Variants in PTBP2 observed in about 807,000 individuals in gnomAD.
PTBP2 encodes polypyrimidine tract-binding protein 2.
Under a neutral mutation model 61.4 loss-of-function variants are expected in PTBP2, and 13 were observed. The observed-to-expected ratio is 0.21, with a 90% CI of 0.14 to 0.34. PTBP2 has a LOEUF of 0.34. PTBP2 is among the 10% of genes least tolerant of loss of function. The probability of loss-of-function intolerance (pLI) is 1.00; values close to 1 mark genes in which losing one functional copy is unlikely to be tolerated. For missense variants in PTBP2, 405 were observed against 642.6 expected (o/e 0.63, Z 4.00); for synonymous variants, 215 against 218.5 (o/e 0.98, Z 0.14).
intron 11 of PTBP2, among the ~76,000 whole-genome samples, chr1:96,809,525 G>GT (rs1661834055): frequency 6.6e-6 from 1 of 151,628 alleles, no homozygotes; most frequent in African/African-American, 2.4e-5. Context: ...TTGTTTGTTT[G>GT]TTTTTGAGCC....
chr1:96,804,826 G>A lies in PTBP2; in HGVS notation c.931G>A (p.Ala311Thr). Residue 311 changes from alanine (A) to threonine (T), a missense_variant, in exon 9 of 14, where the codon GCC becomes ACC. Coordinates refer to ENST00000674951, the MANE Select transcript of PTBP2 (RefSeq NM_021190.4). ...TGTTCCAGGAGCTCTGAGTCCTTTG[G>A]CCATTCCAAATGCTGCTGCAGCAGC... ...LAVPGALSPL[A>T]IPNAAAAAAA... is the part of the protein sequence containing the mutation. 6.2e-7 allele frequency: 1 copy of A among 1,611,974 alleles called. No homozygotes were observed. Among genetic ancestry groups the A allele is most frequent in the East Asian group, 2.2e-5 (1 of 44,844 alleles).
At chr1:96,789,764 C>T (rs2101094055) in intron 8 of PTBP2, among the ~76,000 whole-genome samples, 1 of 152,148 alleles carries the variant, frequency 6.6e-6, no homozygotes, top group South Asian at 2.1e-4. Flanking sequence ...TTCAATAGCG[C>T]TGACACTTAG....
At chr1:96,818,538 A>G (rs1662565242), downstream of PTBP2, 1 of 152,116 alleles carries the variant, frequency 6.6e-6, no homozygotes, top group Non-Finnish European at 1.5e-5. Context: ...TATTAAAAAT[A>G]TAGTCACCAG....
chr1:96,777,595 C>T lies in PTBP2; in HGVS notation c.443C>T (p.Ala148Val), dbSNP rs1455946540. The T allele has an allele frequency of 6.2e-7, 1 of 1,606,456 alleles. No homozygotes were observed. Among genetic ancestry groups the T allele is most frequent in the South Asian group, 1.1e-5 (1 of 89,600 alleles). The change falls in exon 6 of 14, where the codon GCA becomes GTA. Residue 148 changes from alanine to valine, a missense_variant. Ala to Val is a moderately conservative substitution (Grantham distance 64). Transcript: ENST00000674951. The stretch of plus-strand genomic sequence containing the variant: ...AATCTTAATTTCCAGCGTGCTCAGG[C>T]AGTTCTTCAAGCTGTGACAGCTGTC... ...TDNTLNQRAQ[A>V]VLQAVTAVQT...
At chr1:96,797,094 ATG>A (rs960775094) in intron 8 of PTBP2, among the ~76,000 whole-genome samples, 11 of 152,144 alleles carry the variant, frequency 7.2e-5, no homozygotes, top group African/African-American at 2.7e-4. Context: ...ATGGGAGGAG[ATG>A]TTCCAGTAAT....
At chr1:96,790,572 C>G (rs1391625155) in intron 8 of PTBP2, among the ~76,000 whole-genome samples, 3 of 152,152 alleles carry the variant, frequency 2.0e-5, no homozygotes, top group Non-Finnish European at 4.4e-5. Flanking sequence ...TTTCCTTCAT[C>G]AACTAGAATT....
intron 3 of PTBP2, among the ~76,000 whole-genome samples, chr1:96,762,692 T>C (rs1444970307): frequency 7.3e-5 from 10 of 137,410 alleles, no homozygotes; most frequent in East Asian, 2.4e-4. Flanking sequence ...ACCTCCCTCC[T>C]GGATGGGGCG....
At chr1:96,734,087 GAA>G (rs888705791) in intron 2 of PTBP2, among the ~76,000 whole-genome samples, 16 of 152,264 alleles carry the variant, frequency 1.1e-4, no homozygotes, top group Non-Finnish European at 2.1e-4. Flanking sequence ...AGGTGTCACA[GAA>G]AGTTATCACG....
chr1:96,724,190 T>A (rs150525086), intron 2 of PTBP2, among the ~76,000 whole-genome samples: 3 of 152,322 alleles, frequency 2.0e-5, no homozygotes, highest in Non-Finnish European at 4.4e-5. Context: ...ACTTTAGTTC[T>A]AATGCTTAAC....
intron 2 of PTBP2, among the ~76,000 whole-genome samples, chr1:96,725,948 G>T (rs1650397274): frequency 6.6e-6 from 1 of 151,202 alleles, no homozygotes; most frequent in Admixed American, 6.6e-5. Flanking sequence ...GGTGACGGGT[G>T]CCTGTAGTCC....
chr1:96,725,685 T>A (rs1391407952), intron 2 of PTBP2, among the ~76,000 whole-genome samples: 1 of 152,162 alleles, frequency 6.6e-6, no homozygotes. Context: ...TGGTTAAGAA[T>A]TTTTGCTTTG....
intron 2 of PTBP2, among the ~76,000 whole-genome samples, chr1:96,737,018 T>C (rs779073496): frequency 4.6e-5 from 7 of 150,990 alleles, no homozygotes; most frequent in Non-Finnish European, 1.0e-4. Context: ...CTCCCTTTGT[T>C]GCCCAGGCTG....
chr1:96,791,724 T>A (rs1659818804), intron 8 of PTBP2, among the ~76,000 whole-genome samples: 1 of 152,102 alleles, frequency 6.6e-6, no homozygotes, highest in Non-Finnish European at 1.5e-5. Context: ...ATCAAAATGC[T>A]TAGATAGATG....
chr1:96,723,717 C>T, intron 2 of PTBP2, 123 bp downstream of exon 2: 1 of 822,276 alleles, frequency 1.2e-6, no homozygotes, highest in Non-Finnish European at 1.9e-6. Context: ...AAAATGTTTC[C>T]TTTCATTTGT....
At chr1:96,759,339 A>G (rs1239625457) in intron 3 of PTBP2, among the ~76,000 whole-genome samples, 1 of 152,224 alleles carries the variant, frequency 6.6e-6, no homozygotes, top group Non-Finnish European at 1.5e-5. Flanking sequence ...AGTTCTCAAG[A>G]CTCACTACAA....
intron 2 of PTBP2, among the ~76,000 whole-genome samples, chr1:96,739,992 G>A (rs1002817966): frequency 4.6e-5 from 7 of 152,072 alleles, no homozygotes; most frequent in Non-Finnish European, 8.8e-5. Context: ...TTGGATTTTA[G>A]ATTTTCAGAT....
At chr1:96,795,898 TAATC>T (rs1042572515) in intron 8 of PTBP2, among the ~76,000 whole-genome samples, 3 of 152,164 alleles carry the variant, frequency 2.0e-5, no homozygotes, top group African/African-American at 7.2e-5. Context: ...ATAATGATAA[TAATC>T]CCTTTCATTT....
At chr1:96,727,840 A>G (rs996095032) in intron 2 of PTBP2, among the ~76,000 whole-genome samples, 4 of 151,986 alleles carry the variant, frequency 2.6e-5, no homozygotes, top group African/African-American at 4.8e-5. Flanking sequence ...TTATTCTCGC[A>G]TTGTCTTTTG....
chr1:96,760,844 A>C (rs1438971190), intron 3 of PTBP2, among the ~76,000 whole-genome samples: 1 of 152,164 alleles, frequency 6.6e-6, no homozygotes. Context: ...TTGCTGTAAA[A>C]CTTGTATGTG....
Sources: gnomAD v4.1 joint callset for allele counts (sites outside exome capture counted in the v4.1 genomes callset) on GRCh38, gnomAD v4.1.1 for gene constraint, MANE v1.5 for transcripts, NCBI Gene and HGNC (gene_info 2026-07-23, HGNC 2026-07-21) for gene names.